Variants in ACVR1 observed in about 807,000 individuals in gnomAD.
The protein encoded by ACVR1 is activin A receptor type 1.
Under a neutral mutation model 57.1 loss-of-function variants are expected in ACVR1, and 38 were observed. That is an observed-to-expected ratio of 0.67 (90% CI 0.51 to 0.87). ACVR1 has a LOEUF of 0.87. ACVR1 is among the 40% of genes least tolerant of loss of function. The probability of loss-of-function intolerance (pLI) is 0.00; values close to 1 mark genes in which losing one functional copy is unlikely to be tolerated. For missense variants in ACVR1, 463 were observed against 638.2 expected (o/e 0.73, Z 2.96); for synonymous variants, 212 against 228.1 (o/e 0.93, Z 0.63).
intron 1 of ACVR1, among the ~76,000 whole-genome samples, chr2:157,874,534 T>C (rs920053680): frequency 1.3e-5 from 2 of 152,214 alleles, no homozygotes; most frequent in African/African-American, 2.4e-5. Context: ...TGCCAGGACA[T>C]ACTATAGTGT....
chr2:157,795,901 G>GAT (rs1687098089), intron 3 of ACVR1, among the ~76,000 whole-genome samples: 1 of 151,774 alleles, frequency 6.6e-6, no homozygotes, highest in Non-Finnish European at 1.5e-5. Context: ...CTACATCACA[G>GAT]GTCCACCCAT....
At chr2:157,860,475 C>A (rs1049467378) in intron 1 of ACVR1, among the ~76,000 whole-genome samples, 2 of 152,198 alleles carry the variant, frequency 1.3e-5, no homozygotes, top group Non-Finnish European at 2.9e-5. Flanking sequence ...ATGTGGAACA[C>A]CCTAGGGATA....
At chr2:157,771,162 G>C (rs1686058249) in intron 6 of ACVR1, among the ~76,000 whole-genome samples, 1 of 152,204 alleles carries the variant, frequency 6.6e-6, no homozygotes. Context: ...TTCAAAAAGA[G>C]GATTTGCAAA....
intron 2 of ACVR1, among the ~76,000 whole-genome samples, chr2:157,811,267 C>A (rs1193514485): frequency 6.6e-6 from 1 of 152,158 alleles, no homozygotes; most frequent in Non-Finnish European, 1.5e-5. Context: ...TTTCTTTTCA[C>A]TCAAGATGTT....
intron 9 of ACVR1, among the ~76,000 whole-genome samples, chr2:157,757,464 A>C (rs1685481009): frequency 6.6e-6 from 1 of 151,932 alleles, no homozygotes; most frequent in Non-Finnish European, 1.5e-5. Context: ...AAACTTGTAA[A>C]GTCAATGACA....
intron 1 of ACVR1, among the ~76,000 whole-genome samples, chr2:157,860,589 C>A (rs1201425475): frequency 6.6e-5 from 10 of 152,178 alleles, no homozygotes; most frequent in Non-Finnish European, 1.3e-4. Flanking sequence ...AATATAATAT[C>A]CTGCATTTTT....
chr2:157,819,064 C>A (rs1268572221), intron 1 of ACVR1, among the ~76,000 whole-genome samples: 1 of 93,936 alleles, frequency 1.1e-5, no homozygotes, highest in Admixed American at 1.9e-4. Flanking sequence ...GGTGACAGAG[C>A]GAGACTCCGT....
chr2:157,788,683 A>G (rs1216911863), intron 3 of ACVR1, among the ~76,000 whole-genome samples: 2 of 152,180 alleles, frequency 1.3e-5, no homozygotes. Context: ...ATAAGGTTCA[A>G]TACTATCTGT....
chr2:157,872,525 T>A (rs1433042888), intron 1 of ACVR1, among the ~76,000 whole-genome samples: 1 of 152,136 alleles, frequency 6.6e-6, no homozygotes, highest in Non-Finnish European at 1.5e-5. Flanking sequence ...CACTATTTAG[T>A]TGCAATATTG....
intron 9 of ACVR1, among the ~76,000 whole-genome samples, chr2:157,742,611 C>A (rs1490371790): frequency 6.6e-6 from 1 of 152,184 alleles, no homozygotes; most frequent in Non-Finnish European, 1.5e-5. Flanking sequence ...CAATATCCCT[C>A]CCATTAGTTT....
chr2:157,768,187 G>T (rs1685940313), intron 7 of ACVR1, among the ~76,000 whole-genome samples: 1 of 152,052 alleles, frequency 6.6e-6, no homozygotes, highest in African/African-American at 2.4e-5. Context: ...CCCATGGCCA[G>T]CCCTGAGTCT....
intron 3 of ACVR1, among the ~76,000 whole-genome samples, chr2:157,797,716 G>A (rs1301546906): frequency 6.6e-6 from 1 of 152,192 alleles, no homozygotes; most frequent in Non-Finnish European, 1.5e-5. Flanking sequence ...AAGTAAGTAA[G>A]CAAGGGTCAG....
intron 7 of ACVR1, among the ~76,000 whole-genome samples, chr2:157,770,083 A>C (rs1686016910): frequency 6.6e-6 from 1 of 152,230 alleles, no homozygotes; most frequent in African/African-American, 2.4e-5. Flanking sequence ...TGAAGTGAAC[A>C]ATATGGGGCA....
intron 1 of ACVR1, among the ~76,000 whole-genome samples, chr2:157,871,557 C>T (rs1397022335): frequency 1.3e-5 from 2 of 152,142 alleles, no homozygotes; most frequent in Admixed American, 6.5e-5. Flanking sequence ...GAAATAAAGG[C>T]CAAATACCCA....
intron 1 of ACVR1, among the ~76,000 whole-genome samples, chr2:157,832,133 G>A (rs1688600948): frequency 1.3e-5 from 2 of 152,046 alleles, no homozygotes; most frequent in South Asian, 2.1e-4. Flanking sequence ...AATGAACCTA[G>A]GCATGTTACT....
At chr2:157,777,864 T>C (rs1484554229) in intron 5 of ACVR1, among the ~76,000 whole-genome samples, 1 of 152,228 alleles carries the variant, frequency 6.6e-6, no homozygotes, top group African/African-American at 2.4e-5. Context: ...CTGTCTCTTT[T>C]GCTTTACCCC....
At chr2:157,869,464 T>C (rs911066648) in intron 1 of ACVR1, among the ~76,000 whole-genome samples, 20 of 152,190 alleles carry the variant, frequency 1.3e-4, no homozygotes, top group African/African-American at 4.8e-4. Context: ...GTAAAATCAG[T>C]TTAGTATATA....
chr2:157,792,786 C>A (rs940122374), intron 3 of ACVR1, among the ~76,000 whole-genome samples: 1 of 152,214 alleles, frequency 6.6e-6, no homozygotes, highest in Non-Finnish European at 1.5e-5. Context: ...ATGAAATTTT[C>A]ATTTCAGATG....
At chr2:157,749,403 G>A (rs976355642) in intron 9 of ACVR1, among the ~76,000 whole-genome samples, 1 of 152,000 alleles carries the variant, frequency 6.6e-6, no homozygotes, top group African/African-American at 2.4e-5. Context: ...ATCTATCCAG[G>A]GCTTCCTGCA....
Sources: allele counts gnomAD v4.1 joint callset (sites outside exome capture counted in the v4.1 genomes callset), GRCh38; gene constraint gnomAD v4.1.1; transcripts MANE v1.5; gene names NCBI Gene and HGNC (gene_info 2026-07-23, HGNC 2026-07-21).